The following XCL1 variants were observed in gnomAD, a reference collection of about 807,000 sequenced individuals.
XCL1 encodes the protein X-C motif chemokine ligand 1.
Under a neutral mutation model 7.4 loss-of-function variants are expected in XCL1, and 6 were observed. The observed-to-expected ratio is 0.82, with a 90% CI of 0.45 to 1.61. The LOEUF is 1.61. Ranked by LOEUF, XCL1 falls within the 40% of genes most tolerant of loss-of-function variation. The pLI is 0.01. For synonymous variants in XCL1, 48 were observed against 52.4 expected, an observed-to-expected ratio of 0.92 and a Z score of 0.36; for missense variants, 122 against 138.2, an observed-to-expected ratio of 0.88 and a Z score of 0.59.
rs781086278 is a variant in XCL1 at position 168,576,628 on chromosome 1, G to C, written c.-10G>C. ...TCACTCTCCTTGCACAGCTCAGCAG[G>C]ACCTCAGCCATGAGACTTCTCATCC... On this transcript the variant is annotated 5_prime_UTR_variant, in exon 1 of 3. Coordinates refer to ENST00000367818, the MANE Select transcript of XCL1 (RefSeq NM_002995.3). 3.7e-6 allele frequency: 6 copies of C among 1,613,374 alleles called. No individual in the cohort carries two copies. The highest frequency in any genetic ancestry group is 1.7e-4 in the Middle Eastern group (1 of 6,060).
intron 1 of XCL1, among the ~76,000 whole-genome samples, chr1:168,577,274 C>T (rs1184167099): frequency 6.6e-6 from 1 of 152,138 alleles, no homozygotes; most frequent in Non-Finnish European, 1.5e-5. Flanking sequence ...GAAGTTCAAA[C>T]CTTCATGTCC....
Position 168,576,731 on chromosome 1 carries a change from C to T in XCL1, c.61+33C>T, listed in dbSNP as rs373393291. 1.7e-3 allele frequency: 2,753 copies of T among 1,604,946 alleles called. 8 individuals carry two copies. The highest frequency in any genetic ancestry group is 2.7e-3 in the South Asian group (244 of 90,312). On this transcript the variant is annotated intron_variant, in intron 1 of 2. Coordinates refer to ENST00000367818, the MANE Select transcript of XCL1 (RefSeq NM_002995.3). ...GAGAAGCTGTCTGTGAGATAAAGAA[C>T]AGGGAGGCAAGGCAGGTGGGCACAC...
intron 1 of XCL1, among the ~76,000 whole-genome samples, chr1:168,578,051 T>G (rs1655066575): frequency 6.6e-6 from 1 of 152,216 alleles, no homozygotes; most frequent in Non-Finnish European, 1.5e-5. Flanking sequence ...CCCTGAGTCT[T>G]AGGAGTCCAC....
chr1:168,577,525 A>C (rs1454251305), intron 1 of XCL1, among the ~76,000 whole-genome samples: 1 of 152,144 alleles, frequency 6.6e-6, no homozygotes, highest in African/African-American at 2.4e-5. Flanking sequence ...TTTTCCTATG[A>C]CTGGAGTGAA....
intron 1 of XCL1, among the ~76,000 whole-genome samples, chr1:168,579,769 G>A (rs1334695516): frequency 3.3e-5 from 5 of 152,224 alleles, no homozygotes; most frequent in East Asian, 3.9e-4. Flanking sequence ...TTTGCTAGCC[G>A]TCCCAAATGT....
chr1:168,579,745 G>A (rs1489282651), intron 1 of XCL1, among the ~76,000 whole-genome samples: 2 of 152,102 alleles, frequency 1.3e-5, no homozygotes, highest in Non-Finnish European at 2.9e-5. Flanking sequence ...GAATGAATGC[G>A]TGTCACTGGG....
chr1:168,579,515 G>A (rs189888053), intron 1 of XCL1: 41 of 173,268 alleles, frequency 2.4e-4, no homozygotes, highest in Admixed American at 8.6e-4. Flanking sequence ...TCAAAAGCAT[G>A]CTTCCTTCCC....
At chr1:168,580,379 C>T (rs1375015160) in intron 2 of XCL1, among the ~76,000 whole-genome samples, 1 of 152,106 alleles carries the variant, frequency 6.6e-6, no homozygotes, top group African/African-American at 2.4e-5. Flanking sequence ...AATTGGGCTG[C>T]CAAAGAAAGA....
At chr1:168,578,849 G>T in intron 1 of XCL1, 1 of 411,072 alleles carries the variant, frequency 2.4e-6, no homozygotes, top group South Asian at 1.9e-5. Context: ...TGCTTCCTGT[G>T]GACTGGATGT....
rs895351564 is a variant in XCL1 at position 168,582,033 on chromosome 1, A to G, written c.*813A>G. ...ATTTCCTCATGTGATCACAATTTGC[A>G]GTAAACTTTTAATTAAATGCTCATC... is the stretch of plus-strand genomic sequence containing the variant. On this transcript the variant is annotated 3_prime_UTR_variant, in exon 3 of 3. Transcript: ENST00000367818. 1 of 152,240 alleles carries G rather than the reference A, an allele frequency of 6.6e-6. No homozygotes were observed. The highest frequency in any genetic ancestry group is 1.5e-5 in the Non-Finnish European group (1 of 68,048). The allele number at this position is 152,240 out of a possible 1,614,324, so 9.4% of individuals were successfully genotyped here.
At chr1:168,580,565 A>G (rs1655138094) in intron 2 of XCL1, among the ~76,000 whole-genome samples, 1 of 152,138 alleles carries the variant, frequency 6.6e-6, no homozygotes, top group South Asian at 2.1e-4. Flanking sequence ...CAGTTGCCAT[A>G]TTTCAAGAAA....
At chr1:168,577,250 G>A (rs1655045938) in intron 1 of XCL1, among the ~76,000 whole-genome samples, 1 of 152,066 alleles carries the variant, frequency 6.6e-6, no homozygotes, top group Non-Finnish European at 1.5e-5. Flanking sequence ...ACAAAACTAA[G>A]CCCCAAATGA....
chr1:168,581,110 G>A lies in XCL1; in HGVS notation c.235G>A (p.Asp79Asn), dbSNP rs759397615. 2.5e-6 allele frequency: 4 copies of A among 1,613,862 alleles called. No individual in the cohort carries two copies. The highest frequency in any genetic ancestry group is 3.4e-6 in the Non-Finnish European group (4 of 1,179,792). Residue 79 changes from aspartate (D) to asparagine (N), a missense_variant, in exon 3 of 3, where the codon GAC becomes AAC. Asp to Asn is a conservative substitution (Grantham distance 23, BLOSUM62 1). Coordinates refer to ENST00000367818, the MANE Select transcript of XCL1 (RefSeq NM_002995.3). ...TGATCCACAAGCCACATGGGTGAGA[G>A]ACGTGGTCAGGAGCATGGACAGGAA... is the stretch of plus-strand genomic sequence containing the variant. ...CADPQATWVR[D>N]VVRSMDRKSN...
At position 168,581,240 on chromosome 1, in the gene XCL1, C is replaced by T. The variant is rs182840610; in HGVS notation, c.*20C>T. ...GGCTAGTAGTCTCTGGCACCCTGTC[C>T]GTCTCCAGCCAGCCAGCTCATTTCA... is the stretch of plus-strand genomic sequence containing the variant. On this transcript the variant is annotated 3_prime_UTR_variant, in exon 3 of 3. Transcript: ENST00000367818. The T allele has an allele frequency of 6.5e-5, 105 of 1,610,730 alleles. No homozygotes were observed. The highest frequency in any genetic ancestry group is 2.9e-4 in the East Asian group (13 of 44,792).
At chr1:168,577,944 C>G (rs1291831104) in intron 1 of XCL1, among the ~76,000 whole-genome samples, 1 of 152,192 alleles carries the variant, frequency 6.6e-6, no homozygotes, top group Non-Finnish European at 1.5e-5. Flanking sequence ...CTCAATTTTG[C>G]AACCTGAGTG....
At chr1:168,579,681 A>G (rs900272888) in intron 1 of XCL1, among the ~76,000 whole-genome samples, 38 of 152,170 alleles carry the variant, frequency 2.5e-4, no homozygotes, top group African/African-American at 7.9e-4. Flanking sequence ...TGAAAACAGG[A>G]GTAATGTCTG....
At chr1:168,578,465 T>C (rs1655077977) in intron 1 of XCL1, among the ~76,000 whole-genome samples, 2 of 152,208 alleles carry the variant, frequency 1.3e-5, no homozygotes, top group Admixed American at 6.5e-5. Context: ...TTCTCCCAAG[T>C]TATTTTTCCT....
chr1:168,580,957 G>T (rs1655150339), intron 2 of XCL1, 95 bp from the exon 3 acceptor site: 3 of 1,482,270 alleles, frequency 2.0e-6, no homozygotes, highest in Admixed American at 4.5e-5. Context: ...AGTAATTTCT[G>T]CACAAGATCT....
chr1:168,577,549 T>A lies in XCL1; in HGVS notation c.61+851T>A, dbSNP rs551644284. Reference sequence around the variant, plus strand: ...GACTGGAGTGAATCTGTCGACTTATTTGTGTTCTAGTTGGTAGGCTTATTA... The same window carrying A: ...GACTGGAGTGAATCTGTCGACTTATATGTGTTCTAGTTGGTAGGCTTATTA... On this transcript the variant is annotated intron_variant, in intron 1 of 2. Transcript: ENST00000367818. 2.0e-5 allele frequency among the ~76,000 whole-genome samples: 3 copies of A among 152,276 alleles called. No individual in the cohort carries two copies. In the South Asian group the frequency reaches 6.2e-4, roughly 32 times the overall value.
Sources: allele counts gnomAD v4.1 joint callset (sites outside exome capture counted in the v4.1 genomes callset), GRCh38; gene constraint gnomAD v4.1.1; transcripts MANE v1.5; gene names NCBI Gene and HGNC (gene_info 2026-07-23, HGNC 2026-07-21).